The following HEYL variants were observed in gnomAD, a reference collection of about 807,000 sequenced individuals.
HEYL encodes hairy/enhancer-of-split related with YRPW motif-like protein.
HEYL carries 12 observed loss-of-function variants against 18.6 expected under a neutral mutation model. The ratio of observed to expected loss-of-function variants is 0.65; its 90% CI spans 0.41 to 1.05. The LOEUF (loss-of-function observed/expected upper bound fraction) is 1.05, where lower values mean the gene tolerates loss of function less well. HEYL is among the 50% of genes least tolerant of loss of function. HEYL has a pLI of 0.00. For synonymous variants in HEYL, 159 were observed against 179.6 expected, an observed-to-expected ratio of 0.89 and a Z score of 0.91; for missense variants, 420 against 444.7, an observed-to-expected ratio of 0.94 and a Z score of 0.50.
At chr1:39,632,584 C>A (rs1263801204) in intron 2 of HEYL, 65 bp downstream of exon 2, 1 of 1,437,454 alleles carries the variant, frequency 7.0e-7, no homozygotes, top group African/African-American at 1.4e-5. Context: ...CTCCCCGCCG[C>A]CAGACTGCAG....
chr1:39,637,174 A>G (rs1372775942), intron 1 of HEYL, among the ~76,000 whole-genome samples: 2 of 152,188 alleles, frequency 1.3e-5, no homozygotes, highest in African/African-American at 2.4e-5. Context: ...AGATGTTTGC[A>G]GAGGGAGAGG....
chr1:39,626,936 C>T lies in HEYL; in HGVS notation c.558G>A (p.Leu186=). The part of the protein sequence containing the change: ...PWSFFHSCPG[L]PALSNQLAIL... Reference sequence around the variant, plus strand: ...TGGCGAGCTGGTTGCTCAGGGCTGGCAGCCCTGGACAGCTATGGAAGAAAG... The same window carrying T: ...TGGCGAGCTGGTTGCTCAGGGCTGGTAGCCCTGGACAGCTATGGAAGAAAG... Residue 186 remains leucine, a synonymous_variant, in exon 5 of 5, where the codon CTG becomes CTA. Coordinates refer to ENST00000372852, the MANE Select transcript of HEYL (RefSeq NM_014571.4). The T allele has an allele frequency of 1.2e-6, 2 of 1,612,872 alleles. No individual in the cohort carries two copies. Among genetic ancestry groups the T allele is most frequent in the Non-Finnish European group, 8.5e-7 (1 of 1,179,164 alleles).
At position 39,626,646 on chromosome 1, in the gene HEYL, G is replaced by A. The variant is rs1344493972; in HGVS notation, c.848C>T (p.Pro283Leu). 4 of 1,534,434 alleles carry A rather than the reference G, an allele frequency of 2.6e-6. No homozygotes were observed. Among genetic ancestry groups the A allele is most frequent in the East Asian group, 2.4e-5 (1 of 42,260 alleles). The stretch of plus-strand genomic sequence containing the variant: ...AGCAGCCGACCCTGTAGGACCAGGG[G>A]GTGTTGGGGAGGAAGACTGCAGGAG... ...APLLQSSSPT[P>L]PGPTGSAAYV... The change falls in exon 5 of 5, where the codon CCC (proline) becomes CTC (leucine). Residue 283 changes from proline (P) to leucine (L), a missense_variant. By Grantham distance (98) the Pro-to-Leu change is moderately conservative. Transcript: ENST00000372852.
In HEYL at chr1:39,626,748, C is replaced by A; in HGVS notation, c.746G>T (p.Arg249Leu). 6.6e-7 allele frequency: 1 copy of A among 1,523,836 alleles called. No individual in the cohort carries two copies. Among genetic ancestry groups the A allele is most frequent in the Non-Finnish European group, 8.8e-7 (1 of 1,131,408 alleles). The allele number at this position is 1,523,836 out of a possible 1,614,324, so 94.4% of individuals were successfully genotyped here. Residue 249 changes from arginine to leucine, a missense_variant, in exon 5 of 5, where the codon CGC becomes CTC. Physicochemically the swap from Arg to Leu is moderately radical, Grantham distance 102. Coordinates refer to ENST00000372852, the MANE Select transcript of HEYL (RefSeq NM_014571.4). Reference sequence around the variant, plus strand: ...AGGGGTCGCTGGCCTCTCTAGGGGGCGGGCCCTCCGGGTGGAAGATGCCCC... The same window carrying A: ...AGGGGTCGCTGGCCTCTCTAGGGGGAGGGCCCTCCGGGTGGAAGATGCCCC... Reference protein sequence around the residue: ...SRGASSTRRARPLERPATPVP... With the variant: ...SRGASSTRRALPLERPATPVP...
intron 1 of HEYL, among the ~76,000 whole-genome samples, chr1:39,636,922 A>G (rs549410207): frequency 6.6e-6 from 1 of 152,228 alleles, no homozygotes; most frequent in Non-Finnish European, 1.5e-5. Context: ...TTTGTGCCAA[A>G]GCAGGGAGCT....
rs1160608384 is a variant in HEYL, at chr1:39,631,281, T to C, written c.231+215A>G. ...ATAATCCCTAACCTTTGGGATCATT[T>C]TGAGGAGTCAATTCAATGGGATGAT... On this transcript the variant is annotated intron_variant, in intron 3 of 4. Coordinates refer to ENST00000372852, the MANE Select transcript of HEYL (RefSeq NM_014571.4). 6.0e-5 allele frequency among the ~76,000 whole-genome samples: 9 copies of C among 149,040 alleles called. No individual in the cohort carries two copies. The East Asian group carries it at 1.7e-3, about 29-fold the overall frequency.
At chr1:39,638,942 G>A (rs1646373568) in intron 1 of HEYL, among the ~76,000 whole-genome samples, 1 of 152,220 alleles carries the variant, frequency 6.6e-6, no homozygotes, top group Non-Finnish European at 1.5e-5. Flanking sequence ...GGAGCTGAAA[G>A]ACACTGGCAG....
At position 39,625,163 on chromosome 1, in the gene HEYL, C is replaced by T. The variant is rs1227332994; in HGVS notation, c.*1344G>A. The T allele has an allele frequency of 1.3e-5, 2 of 152,198 alleles. No individual in the cohort carries two copies. The highest frequency in any genetic ancestry group is 1.9e-4 in the East Asian group (1 of 5,190). The allele number at this position is 152,198 out of a possible 1,614,324, so 9.4% of individuals were successfully genotyped here. On this transcript the variant is annotated 3_prime_UTR_variant, in exon 5 of 5. Coordinates refer to ENST00000372852, the MANE Select transcript of HEYL (RefSeq NM_014571.4). ...GGGAAGTGCCAGGCGGTGGGGGGCACCTGGAGTCACTTGGGGGAGTAGATA... is the reference window on the plus strand; with the variant it reads ...GGGAAGTGCCAGGCGGTGGGGGGCATCTGGAGTCACTTGGGGGAGTAGATA...
At position 39,631,557 on chromosome 1, in the gene HEYL, T is replaced by G. The variant is rs755774767; in HGVS notation, c.170A>C (p.Asp57Ala). Residue 57 changes from aspartate (D) to alanine (A), a missense_variant, in exon 3 of 5, where the codon GAC (aspartate) becomes GCC (alanine). Transcript: ENST00000372852. ...HRGIIEKRRR[D>A]RINSSLSELR... is the part of the protein sequence containing the mutation. The stretch of plus-strand genomic sequence containing the variant: ...TTCAGAAAGGCTACTGTTGATGCGG[T>G]CTCGACGCCGTTTCTCTATGATCTA... The G allele has an allele frequency of 6.2e-7, 1 of 1,614,220 alleles. No homozygotes were observed. Among genetic ancestry groups the G allele is most frequent in the East Asian group, 2.2e-5 (1 of 44,892 alleles).
At chr1:39,629,719 G>A (rs1646321725) in intron 4 of HEYL, among the ~76,000 whole-genome samples, 1 of 152,194 alleles carries the variant, frequency 6.6e-6, no homozygotes, top group African/African-American at 2.4e-5. Flanking sequence ...TATTGTAACT[G>A]ATGGGCTTAA....
chr1:39,635,499 T>C (rs1479443209), intron 1 of HEYL, among the ~76,000 whole-genome samples: 4 of 152,330 alleles, frequency 2.6e-5, no homozygotes, highest in East Asian at 1.9e-4. Context: ...TCCAATCTCC[T>C]GGTCAGCTTG....
Position 39,626,652 on chromosome 1 carries a change from G to C in HEYL, c.842C>G (p.Pro281Arg). 6.5e-7 allele frequency: 1 copy of C among 1,532,252 alleles called. No individual in the cohort carries two copies. The highest frequency in any genetic ancestry group is 2.1e-5 in the Admixed American group (1 of 47,482). 94.9% of individuals were successfully genotyped at this position (1,532,252 alleles called of 1,614,324 possible). A position where few individuals can be genotyped will look rare whatever the true frequency, so the allele number is the denominator to read the frequency against. ...CGACCCTGTAGGACCAGGGGGTGTTGGGGAGGAAGACTGCAGGAGGGGAGC... is the reference window on the plus strand; with the variant it reads ...CGACCCTGTAGGACCAGGGGGTGTTCGGGAGGAAGACTGCAGGAGGGGAGC... ...HIAPLLQSSSPTPPGPTGSAA... is the reference protein window; with the variant it reads ...HIAPLLQSSSRTPPGPTGSAA... Residue 281 changes from proline to arginine, a missense_variant, in exon 5 of 5, where the codon CCA becomes CGA. By Grantham distance (103) the Pro-to-Arg change is moderately radical (BLOSUM62 -2). Transcript: ENST00000372852.
At chr1:39,629,963 G>A (rs1646323157) in intron 4 of HEYL, among the ~76,000 whole-genome samples, 1 of 152,174 alleles carries the variant, frequency 6.6e-6, no homozygotes, top group Non-Finnish European at 1.5e-5. Flanking sequence ...GGGACCCATA[G>A]GAACAGTCTG....
intron 4 of HEYL, among the ~76,000 whole-genome samples, chr1:39,628,643 G>A (rs1361300672): frequency 6.6e-6 from 1 of 151,790 alleles, no homozygotes; most frequent in East Asian, 1.9e-4. Context: ...TGTCGCCCAG[G>A]CTAGAGTGCA....
At position 39,625,072 on chromosome 1, in the gene HEYL, A is replaced by G. The variant is rs931996909; in HGVS notation, c.*1435T>C. The G allele has an allele frequency of 7.2e-5, 11 of 152,190 alleles. No individual in the cohort carries two copies. The highest frequency in any genetic ancestry group is 2.7e-4 in the African/African-American group (11 of 41,440). The allele number at this position is 152,190 out of a possible 1,614,324, so 9.4% of individuals were successfully genotyped here. A position where few individuals can be genotyped will look rare whatever the true frequency, so the allele number is the denominator to read the frequency against. On this transcript the variant is annotated 3_prime_UTR_variant, in exon 5 of 5. Coordinates refer to ENST00000372852, the MANE Select transcript of HEYL (RefSeq NM_014571.4). ...ACCAGTGTGGAATGAGCACCAGTGA[A>G]CTGCTGGCTCTGGGACTCCACAGCC...
In HEYL at chr1:39,626,989, G is replaced by C. The variant is rs772292386; in HGVS notation, c.505C>G (p.Pro169Ala). 1.2e-6 allele frequency: 2 copies of C among 1,614,156 alleles called. No individual in the cohort carries two copies. The highest frequency in any genetic ancestry group is 1.7e-6 in the Non-Finnish European group (2 of 1,179,988). The change falls in exon 5 of 5, where the codon CCT becomes GCT. Residue 169 changes from proline to alanine, a missense_variant. Pro to Ala is a conservative substitution (Grantham distance 27). Transcript: ENST00000372852. ...EMEPSPTPTG[P>A]LAFPAWPWSF... is the part of the protein sequence containing the mutation. ...CAGGGCCAGGCAGGGAAGGCCAAAGGGCCAGTGGGCGTGGGCGAAGGCTCC... is the reference window on the plus strand; with the variant it reads ...CAGGGCCAGGCAGGGAAGGCCAAAGCGCCAGTGGGCGTGGGCGAAGGCTCC...
At chr1:39,627,880 G>A (rs1173807436) in intron 4 of HEYL, among the ~76,000 whole-genome samples, 1 of 152,202 alleles carries the variant, frequency 6.6e-6, no homozygotes, top group Non-Finnish European at 1.5e-5. Context: ...TACTGGCTTG[G>A]CCTTGTTGGC....
intron 1 of HEYL, among the ~76,000 whole-genome samples, chr1:39,635,550 C>T (rs188689946): frequency 1.3e-5 from 2 of 152,268 alleles, no homozygotes; most frequent in South Asian, 2.1e-4. Flanking sequence ...CTTCCCATAT[C>T]TCAGAGGCAA....
Position 39,627,020 on chromosome 1 carries a change from G to A in HEYL, c.474C>T (p.Ala158=), listed in dbSNP as rs372712511. ...TGGGCGTGGGCGAAGGCTCCATCTC[G>A]GCTGCGTAGCTGTTGAGGTGGGAGA... The part of the protein sequence containing the change: ...RLLSHLNSYA[A]EMEPSPTPTG... Residue 158 remains alanine (A), a synonymous_variant, in exon 5 of 5, where the codon GCC becomes GCT. Transcript: ENST00000372852. 57 of 1,614,030 alleles carry A rather than the reference G, an allele frequency of 3.5e-5. No homozygotes were observed. The highest frequency in any genetic ancestry group is 4.2e-5 in the Non-Finnish European group (50 of 1,179,998).
Sources: allele counts gnomAD v4.1 joint callset (sites outside exome capture counted in the v4.1 genomes callset), GRCh38; gene constraint gnomAD v4.1.1; transcripts MANE v1.5; gene names NCBI Gene and HGNC (gene_info 2026-07-23, HGNC 2026-07-21).